UBAC2: variants seen among roughly 807,000 people sequenced by gnomAD.
UBAC2 encodes ubiquitin-associated domain-containing protein 2.
UBAC2 carries 26 observed loss-of-function variants against 44.0 expected under a neutral mutation model. The ratio of observed to expected loss-of-function variants is 0.59; its 90% confidence interval spans 0.43 to 0.82. The LOEUF (loss-of-function observed/expected upper bound fraction) is 0.82. UBAC2 is among the 40% of genes least tolerant of loss of function. The pLI is 0.00. For missense variants in UBAC2, 329 were observed against 419.4 expected (o/e 0.78, Z 1.88); for synonymous variants, 155 against 154.3 (o/e 1.00, Z -0.04).
intron 4 of UBAC2, among the ~76,000 whole-genome samples, chr13:99,291,924 A>G (rs1399895748): frequency 6.6e-6 from 1 of 152,184 alleles, no homozygotes; most frequent in Non-Finnish European, 1.5e-5. Context: ...CTGTATATAT[A>G]AGAGAAGAGG....
intron 2 of UBAC2, among the ~76,000 whole-genome samples, chr13:99,242,544 C>T (rs1257608596): frequency 1.2e-4 from 16 of 134,342 alleles, no homozygotes; most frequent in Non-Finnish European, 1.8e-4. Flanking sequence ...GGCGGCTGTC[C>T]GGGCAGAGGG....
intron 4 of UBAC2, among the ~76,000 whole-genome samples, chr13:99,304,266 T>A (rs2044298330): frequency 6.6e-6 from 1 of 152,220 alleles, no homozygotes; most frequent in South Asian, 2.1e-4. Context: ...CTCTGTTTGA[T>A]GTCCTCTGGC....
chr13:99,320,574 A>G (rs1353258051), intron 6 of UBAC2, among the ~76,000 whole-genome samples: 1 of 152,212 alleles, frequency 6.6e-6, no homozygotes, highest in African/African-American at 2.4e-5. Context: ...CTATTTTACC[A>G]TAATTAGATG....
chr13:99,318,119 A>G, intron 6 of UBAC2, 50 bp downstream of exon 6: 2 of 1,512,442 alleles, frequency 1.3e-6, no homozygotes, highest in Non-Finnish European at 1.8e-6. Context: ...TCCTGTAAAA[A>G]CATTAGGAAA....
chr13:99,323,089 C>T (rs777535718), intron 6 of UBAC2, among the ~76,000 whole-genome samples: 5 of 151,982 alleles, frequency 3.3e-5, no homozygotes, highest in Admixed American at 6.6e-5. Flanking sequence ...AGTTCCTCTG[C>T]GCCGCCTTTG....
At chr13:99,351,002 C>CA (rs537285535) in intron 7 of UBAC2, among the ~76,000 whole-genome samples, 111 of 152,274 alleles carry the variant, frequency 7.3e-4, no homozygotes, top group African/African-American at 2.6e-3. Flanking sequence ...AGGAAGAAAA[C>CA]AGTGTTGTTT....
At chr13:99,335,529 G>T (rs1336389648) in intron 6 of UBAC2, among the ~76,000 whole-genome samples, 1 of 152,112 alleles carries the variant, frequency 6.6e-6, no homozygotes, top group East Asian at 1.9e-4. Context: ...ACCGCAGACA[G>T]ATGTGTGCAC....
rs2044869650 is a variant in UBAC2, at chr13:99,340,505, G to T, written c.747G>T (p.Leu249=). Residue 249 remains leucine, a synonymous_variant, in exon 7 of 9, where the codon CTG becomes CTT. Coordinates refer to ENST00000403766, the MANE Select transcript of UBAC2 (RefSeq NM_001144072.2). ...TCCAGAGACAGCAGAGAATGGAGCT[G>T]CTGGACCGGCAGCTGATGTTCTCTC... ...LDIQRQQRME[L]LDRQLMFSQF... is the part of the protein sequence containing the mutation. The T allele has an allele frequency of 2.5e-6, 4 of 1,614,208 alleles. No individual in the cohort carries two copies. The highest frequency in any genetic ancestry group is 2.7e-5 in the African/African-American group (2 of 75,054).
At position 99,235,529 on chromosome 13, in the gene UBAC2, T is replaced by C. The variant is rs1482919787; in HGVS notation, c.32-2898T>C. Among the ~76,000 whole-genome samples, 3 of 152,292 alleles carry C rather than the reference T, an allele frequency of 2.0e-5. No homozygotes were observed. In the East Asian group the frequency reaches 5.8e-4, roughly 29 times the overall value. ...TATCATACTGCCTGACTTCAAAATATACTACAGAGTAACCAAATCAGCAGG... is the reference window on the plus strand; with the variant it reads ...TATCATACTGCCTGACTTCAAAATACACTACAGAGTAACCAAATCAGCAGG... On this transcript the variant is annotated intron_variant, in intron 1 of 8. Coordinates refer to ENST00000403766, the MANE Select transcript of UBAC2 (RefSeq NM_001144072.2).
chr13:99,258,123 A>G (rs1282482009), intron 4 of UBAC2: 2 of 152,228 alleles, frequency 1.3e-5, no homozygotes, highest in African/African-American at 4.8e-5. Context: ...ACTTTTGACA[A>G]TAATCATGAA....
In UBAC2 at chr13:99,385,270, T is replaced by C; in HGVS notation, c.970T>C (p.Leu324=). The C allele has an allele frequency of 6.2e-7, 1 of 1,614,144 alleles. No homozygotes were observed. The highest frequency in any genetic ancestry group is 8.5e-7 in the Non-Finnish European group (1 of 1,180,024). ...GATGGGATTTTCCAGAGGTGATGCT[T>C]TGGAAGCCCTGAGAGCTTCAAACAA... ...MEMGFSRGDA[L]EALRASNNDL... Residue 324 remains leucine (L), a synonymous_variant, in exon 9 of 9, where the codon TTG becomes CTG. Transcript: ENST00000403766.
intron 4 of UBAC2, among the ~76,000 whole-genome samples, chr13:99,256,710 C>CAAAA (rs3031409): frequency 4.1e-5 from 6 of 146,042 alleles, no homozygotes; most frequent in Non-Finnish European, 3.0e-5. Context: ...TTTCCATCAC[C>CAAAA]AAAAAAAAAA....
chr13:99,328,972 A>G (rs1594132719), intron 6 of UBAC2, among the ~76,000 whole-genome samples: 1 of 152,234 alleles, frequency 6.6e-6, no homozygotes, highest in Non-Finnish European at 1.5e-5. Context: ...TCTGTGATCC[A>G]GTTTGAGTAT....
rs551777081 is a variant in UBAC2, at chr13:99,324,743, G to A, written c.561+6674G>A. On this transcript the variant is annotated intron_variant, in intron 6 of 8. Coordinates refer to ENST00000403766, the MANE Select transcript of UBAC2 (RefSeq NM_001144072.2). ...AACGTTTTGATCAACAACAGAGTGC[G>A]TATTCAGTGGTGGCCCTGTGGATTC... Among the ~76,000 whole-genome samples, 4 of 152,288 alleles carry A rather than the reference G, an allele frequency of 2.6e-5. No individual in the cohort carries two copies. In the East Asian group the frequency reaches 5.8e-4, roughly 22 times the overall value.
intron 7 of UBAC2, among the ~76,000 whole-genome samples, chr13:99,349,135 T>G (rs1032599355): frequency 2.6e-5 from 4 of 152,120 alleles, no homozygotes; most frequent in Non-Finnish European, 4.4e-5. Flanking sequence ...GACCTCCAGA[T>G]CAATTACTGG....
chr13:99,232,421 T>G (rs1213734574), intron 1 of UBAC2, among the ~76,000 whole-genome samples: 1 of 139,834 alleles, frequency 7.2e-6, no homozygotes, highest in Non-Finnish European at 1.6e-5. Flanking sequence ...TATATATATA[T>G]TCACACACAC....
chr13:99,220,425 A>G (rs1388164944), intron 1 of UBAC2, among the ~76,000 whole-genome samples: 1 of 152,246 alleles, frequency 6.6e-6, no homozygotes, highest in Non-Finnish European at 1.5e-5. Flanking sequence ...TAATCCACAT[A>G]TACTGTAATA....
intron 7 of UBAC2, among the ~76,000 whole-genome samples, chr13:99,352,638 T>A (rs1566517629): frequency 6.6e-6 from 1 of 152,082 alleles, no homozygotes; most frequent in African/African-American, 2.4e-5. Flanking sequence ...TGTTGCCTCT[T>A]GGCCTCACCA....
chr13:99,318,002 CTTTT>C lies in UBAC2; in HGVS notation c.514-13_514-10del. 1 of 1,412,126 alleles carries C rather than the reference CTTTT, an allele frequency of 7.1e-7. No individual in the cohort carries two copies. Among genetic ancestry groups the C allele is most frequent in the South Asian group, 1.3e-5 (1 of 76,594 alleles). The allele number at this position is 1,412,126 out of a possible 1,614,324, so 87.5% of individuals were successfully genotyped here. On this transcript the variant is annotated splice_polypyrimidine_tract_variant and intron_variant, in intron 5 of 8. Coordinates refer to ENST00000403766, the MANE Select transcript of UBAC2 (RefSeq NM_001144072.2). Reference sequence around the variant, plus strand: ...GCAGTTGAATTTTATTTTTAGTTGCCTTTTTTTTTTCTTTTATAGCTTTTCACCT... The same window carrying C: ...GCAGTTGAATTTTATTTTTAGTTGCCTTTTTTCTTTTATAGCTTTTCACCT...
Sources: allele counts gnomAD v4.1 joint callset (sites outside exome capture counted in the v4.1 genomes callset), GRCh38; gene constraint gnomAD v4.1.1; transcripts MANE v1.5; gene names NCBI Gene and HGNC (gene_info 2026-07-23, HGNC 2026-07-21).